LSM14A: variants seen among roughly 807,000 people sequenced by gnomAD.
The protein encoded by LSM14A is protein LSM14 homolog A.
A neutral mutation model predicts 52.4 loss-of-function variants in LSM14A; 14 were observed. The ratio of observed to expected loss-of-function variants is 0.27; its 90% CI spans 0.18 to 0.42. LSM14A has a LOEUF of 0.42. Among genes scored for constraint, LSM14A ranks in the 10% least tolerant of loss-of-function variants. LSM14A has a pLI of 1.00. For synonymous variants in LSM14A, 185 were observed against 200.3 expected (o/e 0.92, Z 0.64); for missense variants, 417 against 581.8 (o/e 0.72, Z 2.91).
At chr19:34,191,600 C>T (rs540502172) in intron 1 of LSM14A, among the ~76,000 whole-genome samples, 2 of 151,888 alleles carry the variant, frequency 1.3e-5, no homozygotes, top group South Asian at 4.2e-4. Flanking sequence ...TTTAGTAGGT[C>T]CTTTCAGTAC....
intron 1 of LSM14A, among the ~76,000 whole-genome samples, chr19:34,176,917 T>C (rs2069125922): frequency 6.6e-6 from 1 of 152,230 alleles, no homozygotes; most frequent in Non-Finnish European, 1.5e-5. Flanking sequence ...TCTTGTTTCA[T>C]ATCCCTTACC....
chr19:34,177,015 A>G (rs1234163265), intron 1 of LSM14A, among the ~76,000 whole-genome samples: 3 of 152,194 alleles, frequency 2.0e-5, no homozygotes, highest in Non-Finnish European at 4.4e-5. Context: ...TTCCCTCATT[A>G]CTAAATGGGG....
At chr19:34,212,234 AG>A (rs1301797199) in intron 4 of LSM14A, among the ~76,000 whole-genome samples, 1 of 152,208 alleles carries the variant, frequency 6.6e-6, no homozygotes, top group Non-Finnish European at 1.5e-5. Flanking sequence ...CTGAAGCTAG[AG>A]GATTGCTTGA....
At chr19:34,198,960 C>CT (rs1306893468) in intron 3 of LSM14A, among the ~76,000 whole-genome samples, 3 of 151,746 alleles carry the variant, frequency 2.0e-5, no homozygotes, top group Admixed American at 1.3e-4. Context: ...GCACTCCAGC[C>CT]TGGGCGACAG....
chr19:34,189,098 C>A (rs969777625), intron 1 of LSM14A, among the ~76,000 whole-genome samples: 9 of 152,098 alleles, frequency 5.9e-5, no homozygotes, highest in African/African-American at 2.2e-4. Context: ...ATAATGCCTG[C>A]CTAATATTAC....
chr19:34,184,078 G>A (rs193118235), intron 1 of LSM14A, among the ~76,000 whole-genome samples: 86 of 132,932 alleles, frequency 6.5e-4, no homozygotes, highest in South Asian at 5.1e-3. Flanking sequence ...TTTTTGAGAC[G>A]GAGTTTTACA....
chr19:34,215,044 C>A, intron 4 of LSM14A, 80 bp from the exon 5 acceptor site: 2 of 1,188,488 alleles, frequency 1.7e-6, no homozygotes, highest in Non-Finnish European at 2.4e-6. Context: ...AGAAATAAAA[C>A]TCTGGACAAT....
At chr19:34,190,731 A>C (rs1048693900) in intron 1 of LSM14A, among the ~76,000 whole-genome samples, 2 of 152,078 alleles carry the variant, frequency 1.3e-5, no homozygotes, top group Non-Finnish European at 2.9e-5. Context: ...TTCCAGAACT[A>C]TTTCTATTCT....
intron 3 of LSM14A, among the ~76,000 whole-genome samples, chr19:34,199,213 C>T (rs1253073359): frequency 1.3e-5 from 2 of 152,094 alleles, no homozygotes; most frequent in African/African-American, 2.4e-5. Context: ...CAACCTCCGC[C>T]TCCCAGGCTC....
intron 1 of LSM14A, among the ~76,000 whole-genome samples, chr19:34,173,889 CG>C (rs1178221462): frequency 6.6e-6 from 1 of 152,078 alleles, no homozygotes; most frequent in African/African-American, 2.4e-5. Flanking sequence ...AGTGGTTTCA[CG>C]GGATCAAGTA....
chr19:34,194,263 A>G (rs1222188288), intron 1 of LSM14A, among the ~76,000 whole-genome samples: 1 of 152,232 alleles, frequency 6.6e-6, no homozygotes, highest in African/African-American at 2.4e-5. Flanking sequence ...CAACCTCATA[A>G]TACAGATAGT....
chr19:34,217,619 G>A (rs591694), intron 6 of LSM14A, among the ~76,000 whole-genome samples: 5 of 13,768 alleles, frequency 3.6e-4, no homozygotes, highest in Non-Finnish European at 6.0e-4. Flanking sequence ...CCCCCCCCGT[G>A]TTTTTTTTTT....
intron 1 of LSM14A, among the ~76,000 whole-genome samples, chr19:34,189,723 C>T (rs1479912312): frequency 6.6e-6 from 1 of 152,144 alleles, no homozygotes; most frequent in East Asian, 1.9e-4. Context: ...CTAAGAGGAA[C>T]AGGGTTTATG....
At chr19:34,219,006 G>A (rs1232944171) in intron 6 of LSM14A, among the ~76,000 whole-genome samples, 1 of 152,132 alleles carries the variant, frequency 6.6e-6, no homozygotes, top group African/African-American at 2.4e-5. Flanking sequence ...AACCCACTGT[G>A]TGTCTGGCAC....
Position 34,228,545 on chromosome 19 carries a change from A to G in LSM14A, c.*1157A>G, listed in dbSNP as rs1298654076. 6.8e-6 allele frequency: 1 copy of G among 147,786 alleles called. No homozygotes were observed. Among genetic ancestry groups the G allele is most frequent in the Non-Finnish European group, 1.5e-5 (1 of 66,464 alleles). The allele number at this position is 147,786 out of a possible 1,614,324, so 9.2% of individuals were successfully genotyped here. A position where few individuals can be genotyped will look rare whatever the true frequency, so the allele number is the denominator to read the frequency against. Reference sequence around the variant, plus strand: ...AAATTATTTTGGTAGCCTGTAACACACGGCAACACTGGTCCTTGGGCCTAT... The same window carrying G: ...AAATTATTTTGGTAGCCTGTAACACGCGGCAACACTGGTCCTTGGGCCTAT... On this transcript the variant is annotated 3_prime_UTR_variant, in exon 10 of 10. Coordinates refer to ENST00000544216, the MANE Select transcript of LSM14A (RefSeq NM_015578.4).
intron 1 of LSM14A, among the ~76,000 whole-genome samples, chr19:34,186,421 G>A (rs610407): frequency 0.49 from 75,027 of 151,960 alleles, 19,231 homozygotes; most frequent in Middle Eastern, 0.58. Context: ...GCCTCATCCA[G>A]TCAGTGGAAG....
chr19:34,211,643 GC>G (rs1268519935), intron 4 of LSM14A, among the ~76,000 whole-genome samples: 2 of 151,910 alleles, frequency 1.3e-5, no homozygotes, highest in African/African-American at 4.8e-5. Flanking sequence ...TTAAAAATAA[GC>G]AGAGTATGAT....
chr19:34,227,340 A>C, intron 9 of LSM14A, 25 bp from the exon 10 acceptor site: 1 of 1,547,014 alleles, frequency 6.5e-7, no homozygotes, highest in Non-Finnish European at 8.8e-7. Context: ...TTGGAACATG[A>C]GCTAAATTTT....
chr19:34,200,507 A>C (rs940499028), intron 3 of LSM14A, among the ~76,000 whole-genome samples: 4 of 152,108 alleles, frequency 2.6e-5, no homozygotes, highest in African/African-American at 9.7e-5. Flanking sequence ...AAAAGGGCCA[A>C]ATTGATTTTA....
Sources: gnomAD v4.1 joint callset for allele counts (sites outside exome capture counted in the v4.1 genomes callset) on GRCh38, gnomAD v4.1.1 for gene constraint, MANE v1.5 for transcripts, NCBI Gene and HGNC (gene_info 2026-07-23, HGNC 2026-07-21) for gene names.